IGDCC3: variants seen among roughly 807,000 people sequenced by gnomAD.
The protein encoded by IGDCC3 is immunoglobulin superfamily DCC subclass member 3.
IGDCC3 carries 47 observed loss-of-function variants against 72.0 expected under a neutral mutation model. That is an observed-to-expected ratio of 0.65 (90% CI 0.52 to 0.83). The LOEUF (loss-of-function observed/expected upper bound fraction) is 0.83, where lower values mean the gene tolerates loss of function less well. IGDCC3 is among the 40% of genes least tolerant of loss of function. The probability of loss-of-function intolerance (pLI) is 0.00; values close to 1 mark genes in which losing one functional copy is unlikely to be tolerated. For synonymous variants in IGDCC3, 477 were observed against 472.8 expected, an observed-to-expected ratio of 1.01 and a Z score of -0.11; for missense variants, 1,038 against 1,091.3, an observed-to-expected ratio of 0.95 and a Z score of 0.69.
chr15:65,368,703 G>A (rs1403830528), intron 2 of IGDCC3, among the ~76,000 whole-genome samples: 6 of 152,286 alleles, frequency 3.9e-5, no homozygotes, highest in East Asian at 1.9e-4. Context: ...ACCCCATCTG[G>A]TGAGGAAGAG....
chr15:65,358,396 G>A (rs2140162421), intron 2 of IGDCC3, among the ~76,000 whole-genome samples: 1 of 152,092 alleles, frequency 6.6e-6, no homozygotes, highest in East Asian at 1.9e-4. Context: ...ATGAGACACT[G>A]CACGGAGCCC....
At chr15:65,366,345 G>A (rs561497524) in intron 2 of IGDCC3, among the ~76,000 whole-genome samples, 210 of 152,240 alleles carry the variant, frequency 1.4e-3, no homozygotes, top group African/African-American at 4.8e-3. Context: ...CTCCAGCCTG[G>A]GCAGCAGAGT....
intron 2 of IGDCC3, among the ~76,000 whole-genome samples, chr15:65,358,659 T>C (rs1003564887): frequency 7.4e-6 from 1 of 135,424 alleles, no homozygotes; most frequent in African/African-American, 2.6e-5. Flanking sequence ...ACTGAAAAAG[T>C]GTCTTTATGT....
intron 5 of IGDCC3, 76 bp from the exon 6 acceptor site, chr15:65,333,491 G>T: frequency 7.2e-7 from 1 of 1,385,904 alleles, no homozygotes; most frequent in Non-Finnish European, 9.7e-7. Context: ...GAAACTTCCA[G>T]ATGGCTTGCC....
rs1567074250 is a variant in IGDCC3 at position 65,375,081 on chromosome 15, A to G, written c.409+16T>C. 6.9e-6 allele frequency: 11 copies of G among 1,604,140 alleles called. No individual in the cohort carries two copies. The highest frequency in any genetic ancestry group is 1.7e-4 in the Middle Eastern group (1 of 6,036). On this transcript the variant is annotated intron_variant, in intron 2 of 13. Coordinates refer to ENST00000327987, the MANE Select transcript of IGDCC3 (RefSeq NM_004884.4). ...AGCTGGCTTACACAAAGGGAAAACA[A>G]GGGATATCCACTTACTTGCAGCTTG...
intron 7 of IGDCC3, 56 bp downstream of exon 7, chr15:65,331,885 G>GC: frequency 5.8e-6 from 9 of 1,562,086 alleles, no homozygotes; most frequent in Non-Finnish European, 7.8e-6. Context: ...CTCACTCCAG[G>GC]CCCCGCTTTC....
chr15:65,364,317 A>T (rs1469073209), intron 2 of IGDCC3, among the ~76,000 whole-genome samples: 3 of 152,232 alleles, frequency 2.0e-5, no homozygotes, highest in African/African-American at 7.2e-5. Context: ...TCTGTAAAAC[A>T]GGGCTAGTAA....
chr15:65,353,967 G>A (rs974737586), intron 2 of IGDCC3, among the ~76,000 whole-genome samples: 21 of 151,972 alleles, frequency 1.4e-4, no homozygotes, highest in African/African-American at 4.4e-4. Context: ...GTGCAGTGGC[G>A]CGATCTCAGT....
chr15:65,359,511 C>T (rs183377554), intron 2 of IGDCC3, among the ~76,000 whole-genome samples: 5 of 152,258 alleles, frequency 3.3e-5, no homozygotes, highest in Admixed American at 2.6e-4. Flanking sequence ...CCACTAGCCA[C>T]CTCTCCTGGG....
intron 2 of IGDCC3, among the ~76,000 whole-genome samples, chr15:65,368,160 T>TCAAAAA (rs1555432437): frequency 1.4e-5 from 2 of 146,212 alleles, no homozygotes; most frequent in African/African-American, 5.2e-5. Flanking sequence ...TCTCTTTCAC[T>TCAAAAA]CACACACACA....
intron 2 of IGDCC3, among the ~76,000 whole-genome samples, chr15:65,354,121 G>A (rs2140158234): frequency 6.6e-6 from 1 of 152,260 alleles, no homozygotes; most frequent in Admixed American, 6.5e-5. Flanking sequence ...GGCCAGGCTG[G>A]TCTCGAACTC....
At position 65,328,262 on chromosome 15, in the gene IGDCC3, T is replaced by G. The variant is rs1197625786; in HGVS notation, c.*647A>C. 6.6e-6 allele frequency: 1 copy of G among 151,964 alleles called. No individual in the cohort carries two copies. Among genetic ancestry groups the G allele is most frequent in the East Asian group, 1.9e-4 (1 of 5,178 alleles). The allele number at this position is 151,964 out of a possible 1,614,324, so 9.4% of individuals were successfully genotyped here. A position where few individuals can be genotyped will look rare whatever the true frequency, so the allele number is the denominator to read the frequency against. The stretch of plus-strand genomic sequence containing the variant: ...ACATCTGGAAATGGGGAAGTGCTTT[T>G]TTTTTTCTTTCACACCTGGAAACGG... On this transcript the variant is annotated 3_prime_UTR_variant, in exon 14 of 14. Coordinates refer to ENST00000327987, the MANE Select transcript of IGDCC3 (RefSeq NM_004884.4).
chr15:65,362,907 T>C (rs1423940899), intron 2 of IGDCC3, among the ~76,000 whole-genome samples: 1 of 139,224 alleles, frequency 7.2e-6, no homozygotes, highest in Non-Finnish European at 1.5e-5. Context: ...CAGGCTGGAG[T>C]GCAGTGGCCC....
chr15:65,333,282 C>G lies in IGDCC3; in HGVS notation c.957G>C (p.Thr319=). ...ANRPGTRVRR[T]AQGRLVVQAP... Reference sequence around the variant, plus strand: ...CTTGCACCACCAGCCGGCCCTGTGCCGTTCTCCTCACCCGGGTGCCAGGTC... The same window carrying G: ...CTTGCACCACCAGCCGGCCCTGTGCGGTTCTCCTCACCCGGGTGCCAGGTC... Residue 319 remains threonine, a synonymous_variant, in exon 6 of 14, where the codon ACG becomes ACC. Coordinates refer to ENST00000327987, the MANE Select transcript of IGDCC3 (RefSeq NM_004884.4). The G allele has an allele frequency of 6.2e-7, 1 of 1,611,932 alleles. No individual in the cohort carries two copies. The highest frequency in any genetic ancestry group is 8.5e-7 in the Non-Finnish European group (1 of 1,179,232).
At position 65,330,540 on chromosome 15, in the gene IGDCC3, T is replaced by A; in HGVS notation, c.1753+10A>T. 6.2e-7 allele frequency: 1 copy of A among 1,612,212 alleles called. No individual in the cohort carries two copies. The highest frequency in any genetic ancestry group is 8.5e-7 in the Non-Finnish European group (1 of 1,179,238). On this transcript the variant is annotated intron_variant, in intron 10 of 13. Transcript: ENST00000327987. Reference sequence around the variant, plus strand: ...CAAGCCCCCTAGGCTCTGGGCTGTGTCTGCCTCACCGAGCTGGCTGAGGTT... The same window carrying A: ...CAAGCCCCCTAGGCTCTGGGCTGTGACTGCCTCACCGAGCTGGCTGAGGTT...
intron 2 of IGDCC3, among the ~76,000 whole-genome samples, chr15:65,345,282 G>C (rs2091115744): frequency 6.6e-6 from 1 of 152,002 alleles, no homozygotes; most frequent in Non-Finnish European, 1.5e-5. Flanking sequence ...GCCAGGTGCA[G>C]TGATTCATGC....
chr15:65,374,940 G>A (rs976137689), intron 2 of IGDCC3, among the ~76,000 whole-genome samples, 157 bp downstream of exon 2: 2 of 152,120 alleles, frequency 1.3e-5, no homozygotes, highest in Non-Finnish European at 2.9e-5. Flanking sequence ...CCACCGCCAC[G>A]AATCACTGCC....
At chr15:65,348,150 A>G (rs1173907069) in intron 2 of IGDCC3, among the ~76,000 whole-genome samples, 1 of 152,212 alleles carries the variant, frequency 6.6e-6, no homozygotes, top group African/African-American at 2.4e-5. Flanking sequence ...AAGGGGAGGC[A>G]TGCATAATCC....
At chr15:65,330,002 A>C in intron 11 of IGDCC3, 138 bp from the exon 12 acceptor site, 1 of 884,606 alleles carries the variant, frequency 1.1e-6, no homozygotes, top group African/African-American at 1.7e-5. Context: ...CTTTGCCTAC[A>C]GGACTCCAGA....
Sources: allele counts gnomAD v4.1 joint callset (sites outside exome capture counted in the v4.1 genomes callset), GRCh38; gene constraint gnomAD v4.1.1; transcripts MANE v1.5; gene names NCBI Gene and HGNC (gene_info 2026-07-23, HGNC 2026-07-21).